PDE3A: variants seen among roughly 807,000 people sequenced by gnomAD.
The protein encoded by PDE3A is cGMP-inhibited 3',5'-cyclic phosphodiesterase 3A.
A neutral mutation model predicts 98.3 loss-of-function variants in PDE3A; 43 were observed. That is an observed-to-expected ratio of 0.44 (90% CI 0.34 to 0.56). The LOEUF is 0.56. PDE3A is among the 20% of genes least tolerant of loss of function. The pLI, the probability that PDE3A is intolerant of heterozygous loss-of-function variation, is 0.01. For missense variants in PDE3A, 1,427 were observed against 1,440.7 expected (o/e 0.99, Z 0.15); for synonymous variants, 663 against 567.9 (o/e 1.17, Z -2.38).
chr12:20,573,373 G>A (rs930424188), intron 2 of PDE3A, among the ~76,000 whole-genome samples: 17 of 151,290 alleles, frequency 1.1e-4, no homozygotes, highest in Non-Finnish European at 2.1e-4. Context: ...TGGGAAACAG[G>A]ACAGATGAAC....
At chr12:20,662,346 A>G (rs1945194046) in intron 15 of PDE3A, among the ~76,000 whole-genome samples, 1 of 151,024 alleles carries the variant, frequency 6.6e-6, no homozygotes, top group African/African-American at 2.4e-5. Context: ...CTTGTTGAGA[A>G]CTGGAGTAAA....
chr12:20,600,893 T>TCAAA (rs1943576958), intron 2 of PDE3A, among the ~76,000 whole-genome samples: 1 of 152,194 alleles, frequency 6.6e-6, no homozygotes, highest in Non-Finnish European at 1.5e-5. Context: ...AAGAACTGTC[T>TCAAA]CAAACACTTT....
intron 1 of PDE3A, among the ~76,000 whole-genome samples, chr12:20,411,835 C>T (rs879931681): frequency 4.6e-5 from 7 of 152,088 alleles, no homozygotes; most frequent in South Asian, 4.1e-4. Context: ...ATGTAATTTC[C>T]GAGACCTTTA....
At chr12:20,514,691 CTTATTG>C (rs1946285294) in intron 1 of PDE3A, among the ~76,000 whole-genome samples, 1 of 152,136 alleles carries the variant, frequency 6.6e-6, no homozygotes, top group Admixed American at 6.5e-5. Context: ...GAATTATAAA[CTTATTG>C]TTAGTTAAAC....
intron 1 of PDE3A, among the ~76,000 whole-genome samples, chr12:20,467,322 A>G (rs1170902446): frequency 6.6e-6 from 1 of 151,192 alleles, no homozygotes; most frequent in Non-Finnish European, 1.5e-5. Flanking sequence ...TTTTGTTTGT[A>G]TATCTAGGAA....
chr12:20,412,871 A>G (rs1021865188), intron 1 of PDE3A, among the ~76,000 whole-genome samples: 1 of 152,194 alleles, frequency 6.6e-6, no homozygotes, highest in South Asian at 2.1e-4. Context: ...ATTGAAAACC[A>G]TCATACTAAC....
At chr12:20,370,397 T>C (rs2120486091) in intron 1 of PDE3A, 153 bp downstream of exon 1, 1 of 470,776 alleles carries the variant, frequency 2.1e-6, no homozygotes, top group Non-Finnish European at 3.5e-6. Flanking sequence ...AGGTTTTTTT[T>C]TTGTTTTTTT....
chr12:20,549,483 T>C (rs1942141666), intron 1 of PDE3A, among the ~76,000 whole-genome samples: 1 of 152,030 alleles, frequency 6.6e-6, no homozygotes, highest in African/African-American at 2.4e-5. Flanking sequence ...GGAAGTTTAA[T>C]GATAAACACT....
chr12:20,511,236 T>A (rs1946215557), intron 1 of PDE3A, among the ~76,000 whole-genome samples: 1 of 152,074 alleles, frequency 6.6e-6, no homozygotes, highest in Admixed American at 6.6e-5. Flanking sequence ...TACTGCAGTG[T>A]TCATTGCTAC....
At chr12:20,571,006 T>C (rs1942791476) in intron 2 of PDE3A, among the ~76,000 whole-genome samples, 1 of 152,192 alleles carries the variant, frequency 6.6e-6, no homozygotes, top group African/African-American at 2.4e-5. Context: ...TTTAAGAAGT[T>C]TCCCAGGTGA....
chr12:20,579,297 A>G (rs1188410612), intron 2 of PDE3A, among the ~76,000 whole-genome samples: 2 of 152,174 alleles, frequency 1.3e-5, no homozygotes, highest in East Asian at 3.9e-4. Flanking sequence ...ACTGAGGCTG[A>G]GTTGAAATAT....
chr12:20,538,344 T>G (rs1354281263), intron 1 of PDE3A, among the ~76,000 whole-genome samples: 1 of 152,062 alleles, frequency 6.6e-6, no homozygotes, highest in Non-Finnish European at 1.5e-5. Flanking sequence ...CTATATTGCT[T>G]CTGGACAGGG....
In PDE3A at chr12:20,397,018, A is replaced by AT. The variant is rs35488458; in HGVS notation, c.960+26782dup. 7.1e-3 allele frequency among the ~76,000 whole-genome samples: 1,076 copies of AT among 151,750 alleles called. 12 individuals are homozygous for AT. The highest frequency in any genetic ancestry group is 0.024 in the African/African-American group (1,008 of 41,398). ...AAGCTTAGGTTTTCTTATATAGAAA[A>AT]TTTTTTTTAAGCTACCCCAGAAAAA... On this transcript the variant is annotated intron_variant, in intron 1 of 15. Coordinates refer to ENST00000359062, the MANE Select transcript of PDE3A (RefSeq NM_000921.5).
chr12:20,530,624 C>T (rs942733163), intron 1 of PDE3A, among the ~76,000 whole-genome samples: 3 of 151,868 alleles, frequency 2.0e-5, no homozygotes, highest in East Asian at 1.9e-4. Flanking sequence ...TATGCCATCA[C>T]GCCTAGCTTA....
At chr12:20,481,587 A>G (rs534260042) in intron 1 of PDE3A, among the ~76,000 whole-genome samples, 4 of 152,166 alleles carry the variant, frequency 2.6e-5, no homozygotes, top group African/African-American at 9.6e-5. Context: ...GAGTAACACA[A>G]TGAAACAGCC....
intron 1 of PDE3A, among the ~76,000 whole-genome samples, chr12:20,546,952 A>C (rs1249724616): frequency 6.6e-6 from 1 of 152,038 alleles, no homozygotes; most frequent in Non-Finnish European, 1.5e-5. Flanking sequence ...TTTTATACTA[A>C]AGGAAAATAG....
At position 20,369,901 on chromosome 12, in the gene PDE3A, T is replaced by C. The variant is rs138393409; in HGVS notation, c.617T>C (p.Leu206Pro). 1,097 of 1,613,364 alleles carry C rather than the reference T, an allele frequency of 6.8e-4. No individual in the cohort carries two copies. Among genetic ancestry groups the C allele is most frequent in the Middle Eastern group, 1.7e-3 (10 of 6,030 alleles). The change falls in exon 1 of 16, where the codon CTG (leucine) becomes CCG (proline). Residue 206 changes from leucine to proline, a missense_variant. By Grantham distance (98) the Leu-to-Pro change is moderately conservative (BLOSUM62 -3). This residue lies in a region of PDE3A where 1,012 missense variants were observed against 886.5 expected (regional missense o/e 1.14). Transcript: ENST00000359062. ...TTGGCCGCCGCGACATGGCTGGTGC[T>C]GAGGCTGAGGCTGGGCGTCCTCATG... Reference protein sequence around the residue: ...SCLAAATWLVLRLRLGVLMIA... With the variant: ...SCLAAATWLVPRLRLGVLMIA...
rs185641833 is a variant in PDE3A at position 20,545,006 on chromosome 12, C to T, written c.961-11654C>T. 8.3e-4 allele frequency among the ~76,000 whole-genome samples: 127 copies of T among 152,098 alleles called. 1 individual carries two copies. Among genetic ancestry groups the T allele is most frequent in the African/African-American group, 2.8e-3 (116 of 41,540 alleles). On this transcript the variant is annotated intron_variant, in intron 1 of 15. Coordinates refer to ENST00000359062, the MANE Select transcript of PDE3A (RefSeq NM_000921.5). Reference sequence around the variant, plus strand: ...AGGGATGATATTTTGCAGAATTTCACAAGCTTATTTTACTTTATTACCATT... The same window carrying T: ...AGGGATGATATTTTGCAGAATTTCATAAGCTTATTTTACTTTATTACCATT...
chr12:20,552,107 CG>C lies in PDE3A; in HGVS notation c.961-4551del. 6.2e-7 allele frequency: 1 copy of C among 1,613,134 alleles called. No homozygotes were observed. On this transcript the variant is annotated intron_variant, in intron 1 of 15. Transcript: ENST00000359062. This position sits in a 1 kb window ranked among gnomAD's most constrained non-coding sequence, Gnocchi z 5.1. ...GAGCTTTCCGGCAACAAGAGGACCG[CG>C]GAACAGTCTTGTGATCAGAAACTCA...
Sources: allele counts gnomAD v4.1 joint callset (sites outside exome capture counted in the v4.1 genomes callset), GRCh38; gene constraint gnomAD v4.1.1; regional missense constraint gnomAD v4.1.1; non-coding constraint Gnocchi (gnomAD v3.1); transcripts MANE v1.5; gene names NCBI Gene and HGNC (gene_info 2026-07-23, HGNC 2026-07-21).